ADCY2: variants seen among roughly 807,000 people sequenced by gnomAD.
The protein encoded by ADCY2 is adenylate cyclase type 2.
ADCY2 carries 31 observed loss-of-function variants against 125.2 expected under a neutral mutation model. The ratio of observed to expected loss-of-function variants is 0.25; its 90% confidence interval spans 0.19 to 0.33. The LOEUF is 0.33. Ranked by LOEUF, ADCY2 falls within the 10% of genes least tolerant of loss-of-function variation. The pLI is 1.00. For missense variants in ADCY2, 904 were observed against 1,418.2 expected, an observed-to-expected ratio of 0.64 and a Z score of 5.82; for synonymous variants, 512 against 548.4, an observed-to-expected ratio of 0.93 and a Z score of 0.93.
intron 3 of ADCY2, among the ~76,000 whole-genome samples, chr5:7,618,300 C>A (rs1737832834): frequency 6.6e-6 from 1 of 152,174 alleles, no homozygotes; most frequent in African/African-American, 2.4e-5. Flanking sequence ...ATCAGCGGGG[C>A]ACTCTGCACT....
intron 3 of ADCY2, among the ~76,000 whole-genome samples, chr5:7,606,045 C>T (rs2126639387): frequency 6.7e-6 from 1 of 148,246 alleles, no homozygotes. Flanking sequence ...TTGTCAAAGG[C>T]TTTTTCTGCA....
chr5:7,493,439 A>G (rs895312742), intron 2 of ADCY2, among the ~76,000 whole-genome samples: 1 of 152,166 alleles, frequency 6.6e-6, no homozygotes, highest in Non-Finnish European at 1.5e-5. Context: ...TTTATATAGA[A>G]AGAAAGAAAC....
At position 7,662,960 on chromosome 5, in the gene ADCY2, T is replaced by C. The variant is rs112334028; in HGVS notation, c.721-27731T>C. 5.0e-4 allele frequency among the ~76,000 whole-genome samples: 75 copies of C among 150,406 alleles called. 1 individual carries two copies. The highest frequency in any genetic ancestry group is 1.8e-3 in the African/African-American group (74 of 41,136). On this transcript the variant is annotated intron_variant, in intron 4 of 24. Coordinates refer to ENST00000338316, the MANE Select transcript of ADCY2 (RefSeq NM_020546.3). ...AGAGTGGTATGAGGTCTTCACCCCA[T>C]GCCTGCTTCTTTATGTCTGCAGTGA...
chr5:7,734,146 G>A (rs1279271935), intron 14 of ADCY2, among the ~76,000 whole-genome samples: 1 of 152,184 alleles, frequency 6.6e-6, no homozygotes, highest in Non-Finnish European at 1.5e-5. Context: ...AGATGTGAGT[G>A]GAGAGCTGAT....
intron 2 of ADCY2, among the ~76,000 whole-genome samples, chr5:7,518,453 T>C (rs574839064): frequency 2.0e-5 from 3 of 152,284 alleles, no homozygotes; most frequent in African/African-American, 7.2e-5. Context: ...ATCCCAAATA[T>C]GGAATGGAAC....
intron 2 of ADCY2, among the ~76,000 whole-genome samples, chr5:7,454,478 G>C (rs72709156): frequency 1.3e-5 from 2 of 152,284 alleles, no homozygotes; most frequent in Non-Finnish European, 2.9e-5. Context: ...ACTGTTTTCA[G>C]ATGTTTTAGA....
chr5:7,673,287 A>ATATATATATATATATATATATAT (rs58507866), intron 4 of ADCY2, among the ~76,000 whole-genome samples: 11 of 31,270 alleles, frequency 3.5e-4, no homozygotes, highest in Admixed American at 5.0e-4. Context: ...TATATATATA[A>ATATATATATATATATATATATAT]AATTAGCCAG....
intron 4 of ADCY2, among the ~76,000 whole-genome samples, chr5:7,677,534 G>A (rs1343448007): frequency 6.6e-6 from 1 of 152,182 alleles, no homozygotes. Context: ...TCCTGGGACT[G>A]CTGCCCTGAG....
chr5:7,617,826 T>C (rs953326072), intron 3 of ADCY2, among the ~76,000 whole-genome samples: 2 of 152,192 alleles, frequency 1.3e-5, no homozygotes, highest in African/African-American at 4.8e-5. Context: ...CTTTCAGCAT[T>C]TGATTCTATC....
chr5:7,556,009 A>C (rs1454382024), intron 3 of ADCY2, among the ~76,000 whole-genome samples: 1 of 152,092 alleles, frequency 6.6e-6, no homozygotes, highest in Non-Finnish European at 1.5e-5. Flanking sequence ...GGCTATTTAA[A>C]ATTAAATTTA....
intron 3 of ADCY2, among the ~76,000 whole-genome samples, chr5:7,531,766 C>A (rs1182613015): frequency 6.6e-6 from 1 of 152,208 alleles, no homozygotes; most frequent in Non-Finnish European, 1.5e-5. Flanking sequence ...ACTCTAAATC[C>A]AAGATGATCT....
chr5:7,571,522 T>C (rs960347362), intron 3 of ADCY2, among the ~76,000 whole-genome samples: 5 of 152,152 alleles, frequency 3.3e-5, no homozygotes, highest in African/African-American at 1.2e-4. Flanking sequence ...TGTGAATCTC[T>C]TCCAAAAACA....
chr5:7,699,417 G>T (rs1054196010), intron 7 of ADCY2, among the ~76,000 whole-genome samples: 5 of 151,862 alleles, frequency 3.3e-5, no homozygotes, highest in Non-Finnish European at 7.4e-5. Flanking sequence ...TTTTTTAACT[G>T]TCTAACAATT....
chr5:7,610,793 G>C (rs900501162), intron 3 of ADCY2, among the ~76,000 whole-genome samples: 1 of 152,232 alleles, frequency 6.6e-6, no homozygotes, highest in Admixed American at 6.5e-5. Flanking sequence ...GTCCAGGCCT[G>C]TGTGGTTTTC....
chr5:7,500,579 T>C (rs1433185879), intron 2 of ADCY2, among the ~76,000 whole-genome samples: 2 of 152,130 alleles, frequency 1.3e-5, no homozygotes, highest in Admixed American at 1.3e-4. Context: ...CCCAGTAAAA[T>C]CAGGAGAAAA....
At chr5:7,712,636 C>G (rs1378557976) in intron 10 of ADCY2, among the ~76,000 whole-genome samples, 1 of 152,184 alleles carries the variant, frequency 6.6e-6, no homozygotes, top group Non-Finnish European at 1.5e-5. Flanking sequence ...CTTCTAGCAT[C>G]CAGAGTTTAG....
chr5:7,709,231 G>A lies in ADCY2; in HGVS notation c.1422G>A (p.Gln474=), dbSNP rs758212753. The change falls in exon 10 of 25, where the codon CAG becomes CAA. Residue 474 remains glutamine (Q), a synonymous_variant. Transcript: ENST00000338316. The surrounding 1 kb of genome is among the most constrained non-coding windows in gnomAD (Gnocchi z 4.4). ...CCAAGGGAGAACGACGGAGCCCCCA[G>A]CATCTCTTCAGACCTCGCCACACCC... The part of the protein sequence containing the change: ...INPKGERRSP[Q]HLFRPRHTLD... The A allele has an allele frequency of 6.2e-7, 1 of 1,611,982 alleles. No homozygotes were observed. The highest frequency in any genetic ancestry group is 1.7e-5 in the Admixed American group (1 of 59,694).
At chr5:7,647,415 C>T (rs1193723422) in intron 4 of ADCY2, among the ~76,000 whole-genome samples, 1 of 152,130 alleles carries the variant, frequency 6.6e-6, no homozygotes, top group Non-Finnish European at 1.5e-5. Context: ...GTATCAGAGA[C>T]TTAGAGCAGG....
chr5:7,478,363 C>T (rs1742597285), intron 2 of ADCY2, among the ~76,000 whole-genome samples: 1 of 152,144 alleles, frequency 6.6e-6, no homozygotes, highest in African/African-American at 2.4e-5. Context: ...AAATGTTATT[C>T]CATATAAAAA....
Sources: allele counts gnomAD v4.1 joint callset (sites outside exome capture counted in the v4.1 genomes callset), GRCh38; gene constraint gnomAD v4.1.1; non-coding constraint Gnocchi (gnomAD v3.1); transcripts MANE v1.5; gene names NCBI Gene and HGNC (gene_info 2026-07-23, HGNC 2026-07-21).